Variants in NDUFS4 observed in about 807,000 individuals in gnomAD.
NDUFS4 encodes NADH:ubiquinone oxidoreductase subunit S4.
A neutral mutation model predicts 24.3 loss-of-function variants in NDUFS4; 28 were observed. That is an observed-to-expected ratio of 1.15 (90% CI 0.85 to 1.58). The LOEUF (loss-of-function observed/expected upper bound fraction) is 1.58, where lower values mean the gene tolerates loss of function less well. Ranked by LOEUF, NDUFS4 falls within the 40% of genes most tolerant of loss-of-function variation. The pLI is 0.00. For missense variants in NDUFS4, 223 were observed against 207.9 expected (o/e 1.07, Z -0.45); for synonymous variants, 93 against 69.7 (o/e 1.34, Z -1.67).
intron 3 of NDUFS4, among the ~76,000 whole-genome samples, chr5:53,648,955 T>C (rs1275684163): frequency 6.6e-6 from 1 of 152,210 alleles, no homozygotes; most frequent in Non-Finnish European, 1.5e-5. Flanking sequence ...GATATCTGCT[T>C]CTTTGTTACA....
rs547300590 is a variant in NDUFS4 at position 53,574,805 on chromosome 5, C to T, written c.98+14045C>T. Among the ~76,000 whole-genome samples the T allele has an allele frequency of 7.9e-5, 12 of 151,866 alleles. 1 individual carries two copies. The highest frequency in any genetic ancestry group is 1.8e-4 in the Non-Finnish European group (12 of 67,988). The stretch of plus-strand genomic sequence containing the variant: ...TTTTGTTTATATTATATTCGGAGAA[C>T]CCAATTCCCTGGGGTTTCCTTTATC... On this transcript the variant is annotated intron_variant, in intron 1 of 4. Coordinates refer to ENST00000296684, the MANE Select transcript of NDUFS4 (RefSeq NM_002495.4).
At chr5:53,653,787 A>G (rs1036607680) in intron 3 of NDUFS4, among the ~76,000 whole-genome samples, 15 of 152,136 alleles carry the variant, frequency 9.9e-5, no homozygotes, top group Non-Finnish European at 1.6e-4. Flanking sequence ...TTTTCTTAGT[A>G]TAAGTTTTTC....
intron 3 of NDUFS4, among the ~76,000 whole-genome samples, chr5:53,657,316 T>C (rs10067133): frequency 0.016 from 2,367 of 152,236 alleles, 83 homozygotes; most frequent in African/African-American, 0.054. Flanking sequence ...CATATGAAGC[T>C]CTTTTGCTTA....
intron 1 of NDUFS4, among the ~76,000 whole-genome samples, chr5:53,565,119 A>G (rs1347466152): frequency 2.0e-5 from 3 of 152,212 alleles, no homozygotes; most frequent in East Asian, 1.9e-4. Flanking sequence ...GTGTTTTGTC[A>G]TATTCCTTTT....
intron 1 of NDUFS4, among the ~76,000 whole-genome samples, chr5:53,568,931 A>G (rs1749127119): frequency 6.6e-6 from 1 of 152,136 alleles, no homozygotes; most frequent in Admixed American, 6.5e-5. Flanking sequence ...GTTTTCTAGG[A>G]CTCAAAAATA....
At chr5:53,671,690 G>T (rs1353176648) in intron 4 of NDUFS4, among the ~76,000 whole-genome samples, 13 of 152,128 alleles carry the variant, frequency 8.5e-5, no homozygotes, top group Admixed American at 8.5e-4. Flanking sequence ...ATAAGTGATG[G>T]GGTAGAAGGA....
intron 1 of NDUFS4, among the ~76,000 whole-genome samples, chr5:53,561,416 C>T (rs955198465): frequency 1.3e-5 from 2 of 152,000 alleles, no homozygotes; most frequent in Non-Finnish European, 2.9e-5. Context: ...TCTTTGCGTC[C>T]TTGAGAACCT....
intron 1 of NDUFS4, among the ~76,000 whole-genome samples, chr5:53,561,614 CATATT>C (rs973825038): frequency 4.0e-5 from 6 of 151,792 alleles, no homozygotes; most frequent in African/African-American, 1.5e-4. Context: ...CATACACACA[CATATT>C]AGAACAAAGA....
intron 1 of NDUFS4, among the ~76,000 whole-genome samples, chr5:53,594,123 A>G (rs74830370): frequency 0.098 from 14,916 of 152,156 alleles, 1,035 homozygotes; most frequent in Admixed American, 0.2. Flanking sequence ...TGGCTCTGTC[A>G]ATTACTATTC....
At chr5:53,671,506 T>A (rs187126504) in intron 4 of NDUFS4, among the ~76,000 whole-genome samples, 1 of 152,326 alleles carries the variant, frequency 6.6e-6, no homozygotes, top group East Asian at 1.9e-4. Context: ...CTAAACATCT[T>A]AAGCTCAGCA....
intron 3 of NDUFS4, among the ~76,000 whole-genome samples, chr5:53,657,752 C>G (rs1231039339): frequency 1.3e-5 from 2 of 151,702 alleles, no homozygotes; most frequent in East Asian, 3.9e-4. Context: ...TAGTGAAACC[C>G]CATCTCTACT....
chr5:53,583,311 A>G (rs1006997842), intron 1 of NDUFS4, among the ~76,000 whole-genome samples: 1 of 152,180 alleles, frequency 6.6e-6, no homozygotes, highest in Non-Finnish European at 1.5e-5. Flanking sequence ...GAATAATACT[A>G]TTGCAAACTT....
rs1409071636 is a variant in NDUFS4 at position 53,612,925 on chromosome 5, A to G, written c.177+9395A>G. ...AAAATAAAACAACTACGTTTGCTGT[A>G]CAAGTATTTGTTGGTTTTATGTTGT... On this transcript the variant is annotated intron_variant, in intron 2 of 4. Transcript: ENST00000296684. Among the ~76,000 whole-genome samples the G allele has an allele frequency of 5.9e-5, 9 of 152,220 alleles. No homozygotes were observed. The East Asian group carries it at 1.2e-3, about 20-fold the overall frequency.
chr5:53,683,103 G>GT lies in NDUFS4; in HGVS notation c.425-9dup. ...ATTCTGTTTCTGTGGATTTGTCTTT[G>GT]TTTTTTCCTCCTAGGATGGAGCTAT... is the stretch of plus-strand genomic sequence containing the variant. On this transcript the variant is annotated splice_polypyrimidine_tract_variant and intron_variant, in intron 4 of 4. Coordinates refer to ENST00000296684, the MANE Select transcript of NDUFS4 (RefSeq NM_002495.4). The GT allele has an allele frequency of 4.6e-6, 7 of 1,536,264 alleles. No individual in the cohort carries two copies. Among genetic ancestry groups the GT allele is most frequent in the East Asian group, 2.3e-5 (1 of 44,376 alleles).
intron 2 of NDUFS4, among the ~76,000 whole-genome samples, chr5:53,633,076 C>T (rs564053855): frequency 1.3e-5 from 2 of 152,290 alleles, no homozygotes; most frequent in South Asian, 2.1e-4. Flanking sequence ...CAAGACTCAG[C>T]GAGCTTACTT....
At chr5:53,628,484 G>T (rs1265427138) in intron 2 of NDUFS4, among the ~76,000 whole-genome samples, 4 of 152,176 alleles carry the variant, frequency 2.6e-5, no homozygotes, top group African/African-American at 9.7e-5. Context: ...ACCTCTGGTA[G>T]AATTCGGCTA....
intron 1 of NDUFS4, among the ~76,000 whole-genome samples, chr5:53,593,561 A>G (rs1579848572): frequency 6.8e-6 from 1 of 146,902 alleles, no homozygotes; most frequent in African/African-American, 2.5e-5. Flanking sequence ...GTTTACTATA[A>G]TTTTTTTTAT....
intron 4 of NDUFS4, among the ~76,000 whole-genome samples, chr5:53,681,469 T>G (rs1740662946): frequency 6.6e-6 from 1 of 152,146 alleles, no homozygotes; most frequent in Non-Finnish European, 1.5e-5. Flanking sequence ...ATGACAACCT[T>G]ATGAAAGACA....
intron 1 of NDUFS4, among the ~76,000 whole-genome samples, chr5:53,586,989 A>C (rs1749778674): frequency 6.6e-6 from 1 of 151,258 alleles, no homozygotes; most frequent in South Asian, 2.1e-4. Context: ...ATGCCTGGCT[A>C]ATTTTTTTTG....
Sources: gnomAD v4.1 joint callset for allele counts (sites outside exome capture counted in the v4.1 genomes callset) on GRCh38, gnomAD v4.1.1 for gene constraint, MANE v1.5 for transcripts, NCBI Gene and HGNC (gene_info 2026-07-23, HGNC 2026-07-21) for gene names.